The following KBTBD2 variants were observed in gnomAD, a reference collection of about 807,000 sequenced individuals.
The protein encoded by KBTBD2 is kelch repeat and BTB domain-containing protein 2.
In KBTBD2, 17 loss-of-function variants were observed where a neutral mutation model predicts 57.1. The ratio of observed to expected loss-of-function variants is 0.30; its 90% CI spans 0.20 to 0.45. The LOEUF is 0.45. KBTBD2 is among the 20% of genes least tolerant of loss of function. KBTBD2 has a pLI of 1.00. For synonymous variants in KBTBD2, 267 were observed against 262.7 expected (o/e 1.02, Z -0.16); for missense variants, 515 against 750.6 (o/e 0.69, Z 3.67).
chr7:32,878,815 A>G (rs1339537578), intron 2 of KBTBD2, among the ~76,000 whole-genome samples: 1 of 152,210 alleles, frequency 6.6e-6, no homozygotes, highest in African/African-American at 2.4e-5. Context: ...CAAAGACGCA[A>G]AAGATCATAA....
chr7:32,876,934 G>A (rs1784326995), intron 2 of KBTBD2, among the ~76,000 whole-genome samples: 1 of 152,060 alleles, frequency 6.6e-6, no homozygotes, highest in Admixed American at 6.5e-5. Context: ...TCCAACCCGG[G>A]CAACAAAAGT....
Position 32,869,320 on chromosome 7 carries a change from GGCGT to G in KBTBD2, c.*21_*24del. On this transcript the variant is annotated 3_prime_UTR_variant, in exon 4 of 4. Transcript: ENST00000304056. ...AGAAAATGACAAAGCACATAACTCA[GGCGT>G]GCACTCCCTGAACTTCCCCACTATA... is the stretch of plus-strand genomic sequence containing the variant. 6.7e-7 allele frequency: 1 copy of G among 1,503,074 alleles called. No individual in the cohort carries two copies. Among genetic ancestry groups the G allele is most frequent in the South Asian group, 1.2e-5 (1 of 81,248 alleles). The allele number at this position is 1,503,074 out of a possible 1,614,324, so 93.1% of individuals were successfully genotyped here. A position where few individuals can be genotyped will look rare whatever the true frequency, so the allele number is the denominator to read the frequency against.
At position 32,885,038 on chromosome 7, in the gene KBTBD2, AAATTTT is replaced by A. The variant is rs1290385959; in HGVS notation, c.-338-5102_-338-5097del. On this transcript the variant is annotated intron_variant, in intron 1 of 3. Coordinates refer to ENST00000304056, the MANE Select transcript of KBTBD2 (RefSeq NM_015483.3). Reference sequence around the variant, plus strand: ...TATATACACACACATACACACACACAAATTTTAATTTTTTTTTTTAAGAGACAGGAT... The same window carrying A: ...TATATACACACACATACACACACACAAATTTTTTTTTTTAAGAGACAGGAT... Among the ~76,000 whole-genome samples the A allele has an allele frequency of 2.0e-5, 3 of 148,656 alleles. No individual in the cohort carries two copies. In the East Asian group the frequency reaches 5.9e-4, roughly 29 times the overall value.
chr7:32,882,498 C>T (rs1310045357), intron 1 of KBTBD2, among the ~76,000 whole-genome samples: 2 of 152,158 alleles, frequency 1.3e-5, no homozygotes, highest in East Asian at 1.9e-4. Flanking sequence ...CAATTGAAGT[C>T]TGCTTCTAAA....
rs776310184 is a variant in KBTBD2, at chr7:32,869,359, G to A, written c.1858C>T (p.Leu620=). ...GAACTTCCCCACTATACAGGTGGTA[G>A]TGCAACCATTTCTCCATCCAGTTCA... ...EFELDGEMVA[L]PPV The change falls in exon 4 of 4, where the codon CTA becomes TTA. Residue 620 remains leucine, a synonymous_variant. Coordinates refer to ENST00000304056, the MANE Select transcript of KBTBD2 (RefSeq NM_015483.3). 5 of 1,609,532 alleles carry A rather than the reference G, an allele frequency of 3.1e-6. No homozygotes were observed. The Admixed American group carries it at 5.0e-5, about 16-fold the overall frequency.
chr7:32,876,615 T>C (rs1315714369), intron 2 of KBTBD2, among the ~76,000 whole-genome samples: 12 of 152,180 alleles, frequency 7.9e-5, no homozygotes, highest in Admixed American at 7.2e-4. Context: ...GACAATAATA[T>C]ACCTAAGAGG....
chr7:32,882,323 C>T (rs1054434570), intron 1 of KBTBD2, among the ~76,000 whole-genome samples: 11 of 152,142 alleles, frequency 7.2e-5, no homozygotes, highest in South Asian at 2.1e-4. Context: ...TAAATCATGC[C>T]GCTAGACCCC....
chr7:32,882,411 G>T (rs1472349467), intron 1 of KBTBD2, among the ~76,000 whole-genome samples: 3 of 152,138 alleles, frequency 2.0e-5, no homozygotes, highest in Non-Finnish European at 4.4e-5. Flanking sequence ...TTTCTGCAAT[G>T]ATTTTGGGGA....
intron 1 of KBTBD2, among the ~76,000 whole-genome samples, chr7:32,880,434 T>C (rs1467802132): frequency 6.6e-6 from 1 of 152,152 alleles, no homozygotes; most frequent in Non-Finnish European, 1.5e-5. Context: ...GTAAATAGAT[T>C]CAAACTGTTA....
chr7:32,871,214 T>C (rs1324837376), intron 3 of KBTBD2, among the ~76,000 whole-genome samples: 2 of 152,144 alleles, frequency 1.3e-5, no homozygotes, highest in Non-Finnish European at 2.9e-5. Context: ...TATATATAAT[T>C]GAGAGAACTA....
At chr7:32,891,897 C>CCCCCGCCCCCGCCCCCGCCGCCCCCGT (rs1784766573), upstream of KBTBD2, 2 of 119,282 alleles carry the variant, frequency 1.7e-5, no homozygotes, top group African/African-American at 6.7e-5. Flanking sequence ...GCCGCCCCCG[C>CCCCCGCCCCCGCCCCCGCCGCCCCCGT]CCCCGCCCCC....
chr7:32,876,338 T>C (rs540710721), intron 2 of KBTBD2, among the ~76,000 whole-genome samples: 9 of 152,226 alleles, frequency 5.9e-5, no homozygotes, highest in African/African-American at 1.9e-4. Context: ...TAAGAAGCAA[T>C]TGTTCAAGGG....
chr7:32,881,424 A>C (rs1784442555), intron 1 of KBTBD2, among the ~76,000 whole-genome samples: 1 of 152,204 alleles, frequency 6.6e-6, no homozygotes. Context: ...TGTTAAGATG[A>C]CCATTAGTTA....
In KBTBD2 at chr7:32,868,442, C is replaced by T. The variant is rs1158492870; in HGVS notation, c.*903G>A. 1 of 152,548 alleles carries T rather than the reference C, an allele frequency of 6.6e-6. No individual in the cohort carries two copies. Among genetic ancestry groups the T allele is most frequent in the Non-Finnish European group, 1.5e-5 (1 of 68,056 alleles). The allele number at this position is 152,548 out of a possible 1,614,324, so 9.4% of individuals were successfully genotyped here. A position where few individuals can be genotyped will look rare whatever the true frequency, so the allele number is the denominator to read the frequency against. ...CACACAACAGGTTAAAAAAAACACA[C>T]CCTGACAGCTAACAGATCTATACAC... is the stretch of plus-strand genomic sequence containing the variant. On this transcript the variant is annotated 3_prime_UTR_variant, in exon 4 of 4. Transcript: ENST00000304056.
Position 32,889,758 on chromosome 7 carries a change from G to T in KBTBD2, c.-339+1778C>A, listed in dbSNP as rs183651442. On this transcript the variant is annotated intron_variant, in intron 1 of 3. Coordinates refer to ENST00000304056, the MANE Select transcript of KBTBD2 (RefSeq NM_015483.3). ...ACACCAGGATCAATCCTTTTTCCTGGCCTTACTTGTCTTAGGAATGTGGGC... is the reference window on the plus strand; with the variant it reads ...ACACCAGGATCAATCCTTTTTCCTGTCCTTACTTGTCTTAGGAATGTGGGC... Among the ~76,000 whole-genome samples the T allele has an allele frequency of 1.1e-3, 160 of 152,216 alleles. 1 individual carries two copies. Among genetic ancestry groups the T allele is most frequent in the Middle Eastern group, 6.8e-3 (2 of 294 alleles).
rs1784080630 is a variant in KBTBD2 at position 32,868,482 on chromosome 7, A to C, written c.*863T>G. The C allele has an allele frequency of 6.6e-6, 1 of 152,638 alleles. No individual in the cohort carries two copies. Among genetic ancestry groups the C allele is most frequent in the African/African-American group, 2.4e-5 (1 of 41,450 alleles). 9.5% of individuals were successfully genotyped at this position (152,638 alleles called of 1,614,324 possible). ...GATCTATACACAATCACTCTACAGTAATGCTTGTTATTAAATTAAGATGTA... is the reference window on the plus strand; with the variant it reads ...GATCTATACACAATCACTCTACAGTCATGCTTGTTATTAAATTAAGATGTA... On this transcript the variant is annotated 3_prime_UTR_variant, in exon 4 of 4. Coordinates refer to ENST00000304056, the MANE Select transcript of KBTBD2 (RefSeq NM_015483.3).
chr7:32,887,600 A>C (rs1784612670), intron 1 of KBTBD2, among the ~76,000 whole-genome samples: 1 of 152,202 alleles, frequency 6.6e-6, no homozygotes, highest in Non-Finnish European at 1.5e-5. Context: ...TAAATCATTC[A>C]CCTGTAGGAA....
chr7:32,871,576 T>C (rs1355898300), intron 3 of KBTBD2, among the ~76,000 whole-genome samples: 2 of 152,172 alleles, frequency 1.3e-5, no homozygotes, highest in African/African-American at 4.8e-5. Context: ...ACAAGTCAGG[T>C]TGCTTGGATT....
intron 3 of KBTBD2, among the ~76,000 whole-genome samples, chr7:32,873,945 G>A (rs1009673505): frequency 2.6e-5 from 4 of 151,958 alleles, no homozygotes; most frequent in African/African-American, 7.3e-5. Flanking sequence ...TCTAAAACAC[G>A]TAATAAGAAA....
Sources: allele counts gnomAD v4.1 joint callset (sites outside exome capture counted in the v4.1 genomes callset), GRCh38; gene constraint gnomAD v4.1.1; transcripts MANE v1.5; gene names NCBI Gene and HGNC (gene_info 2026-07-23, HGNC 2026-07-21).